Variants in ATP5F1B observed in about 807,000 individuals in gnomAD.
The protein encoded by ATP5F1B is ATP synthase F(1) complex subunit beta, mitochondrial.
ATP5F1B carries 17 observed loss-of-function variants against 45.9 expected under a neutral mutation model. The ratio of observed to expected loss-of-function variants is 0.37; its 90% CI spans 0.25 to 0.56. ATP5F1B has a LOEUF of 0.56. Among genes scored for constraint, ATP5F1B ranks in the 20% least tolerant of loss-of-function variants. The pLI is 0.80. For missense variants in ATP5F1B, 387 were observed against 673.2 expected (o/e 0.57, Z 4.70); for synonymous variants, 218 against 256.5 (o/e 0.85, Z 1.43).
At position 56,638,610 on chromosome 12, in the gene ATP5F1B, C is replaced by A. The variant is rs575961170; in HGVS notation, c.1490-187G>T. Among the ~76,000 whole-genome samples, 4 of 152,304 alleles carry A rather than the reference C, an allele frequency of 2.6e-5. No homozygotes were observed. In the South Asian group the frequency reaches 8.3e-4, roughly 32 times the overall value. On this transcript the variant is annotated intron_variant, in intron 9 of 9. Coordinates refer to ENST00000262030, the MANE Select transcript of ATP5F1B (RefSeq NM_001686.4). ...TATGATACAGTATGAATTAAGAACACATGGGCCAGGCACGGTGGCTTACAC... is the reference window on the plus strand; with the variant it reads ...TATGATACAGTATGAATTAAGAACAAATGGGCCAGGCACGGTGGCTTACAC...
At chr12:56,645,122 A>C in intron 2 of ATP5F1B, 49 bp downstream of exon 2, 3 of 1,612,452 alleles carry the variant, frequency 1.9e-6, no homozygotes, top group Non-Finnish European at 2.5e-6. Context: ...GGTTTTGGGG[A>C]TATTTGGGCT....
chr12:56,639,929 G>A (rs1432466436), intron 8 of ATP5F1B, 51 bp downstream of exon 8: 2 of 1,582,518 alleles, frequency 1.3e-6, no homozygotes, highest in Middle Eastern at 1.7e-4. Context: ...AGTCCCCACA[G>A]GCCCTCTTTT....
In ATP5F1B at chr12:56,639,300, T is replaced by C. The variant is rs745377010; in HGVS notation, c.1295A>G (p.Lys432Arg). 27 of 1,613,166 alleles carry C rather than the reference T, an allele frequency of 1.7e-5. No individual in the cohort carries two copies. The highest frequency in any genetic ancestry group is 2.2e-5 in the East Asian group (1 of 44,882). ...RGVQKILQDY[K>R]SLQDIIAILG... ...GATGGCAATGATATCCTGGAGGGAT[T>C]TGTAGTCCTATGAGAAAAAAGAAGA... is the stretch of plus-strand genomic sequence containing the variant. The change falls in exon 9 of 10, where the codon AAA (lysine) becomes AGA (arginine). Residue 432 changes from lysine to arginine, a missense_variant. Coordinates refer to ENST00000262030, the MANE Select transcript of ATP5F1B (RefSeq NM_001686.4).
chr12:56,639,332 T>G, intron 8 of ATP5F1B, 25 bp from the exon 9 acceptor site: 2 of 1,599,916 alleles, frequency 1.3e-6, no homozygotes, highest in Non-Finnish European at 1.7e-6. Context: ...AAGACTGAGT[T>G]AAGTATTCTC....
intron 9 of ATP5F1B, 151 bp from the exon 10 acceptor site, chr12:56,638,574 A>G (rs1294298178): frequency 3.0e-6 from 2 of 676,926 alleles, no homozygotes; most frequent in African/African-American, 1.8e-5. Flanking sequence ...TCACAAATCA[A>G]ATTTACAAGA....
At chr12:56,645,144 T>C in intron 2 of ATP5F1B, 27 bp downstream of exon 2, 1 of 1,614,028 alleles carries the variant, frequency 6.2e-7, no homozygotes, top group Non-Finnish European at 8.5e-7. Context: ...CACAAGGTCT[T>C]TACTATTCCT....
chr12:56,639,035 A>G (rs1951492749), intron 9 of ATP5F1B, 71 bp downstream of exon 9: 2 of 1,417,982 alleles, frequency 1.4e-6, no homozygotes, highest in East Asian at 2.3e-5. Flanking sequence ...TATATTACAT[A>G]TATTGCTTGA....
In ATP5F1B at chr12:56,640,873, A is replaced by T. The variant is rs551138205; in HGVS notation, c.1075-681T>A. 6.9e-4 allele frequency among the ~76,000 whole-genome samples: 103 copies of T among 148,488 alleles called. 2 individuals are homozygous for T. The highest frequency in any genetic ancestry group is 6.0e-3 in the Admixed American group (89 of 14,868). ...CAGTAGAGACGGGGGTCTCTACTAA[A>T]AAAAAAAAAAAAAACGGAAACAAAA... On this transcript the variant is annotated intron_variant, in intron 7 of 9. Coordinates refer to ENST00000262030, the MANE Select transcript of ATP5F1B (RefSeq NM_001686.4).
At chr12:56,639,407 G>T in intron 8 of ATP5F1B, 100 bp from the exon 9 acceptor site, 1 of 1,063,246 alleles carries the variant, frequency 9.4e-7, no homozygotes. Flanking sequence ...GAAGGTGGTG[G>T]TGTTATGAGG....
At chr12:56,643,364 C>A (rs766711876) in intron 5 of ATP5F1B, 39 bp downstream of exon 5, 1 of 1,544,002 alleles carries the variant, frequency 6.5e-7, no homozygotes, top group Non-Finnish European at 8.8e-7. Context: ...AGTTTCCTGG[C>A]GTAACTACCA....
In ATP5F1B at chr12:56,645,942, C is replaced by A. The variant is rs778926995; in HGVS notation, c.22G>T (p.Val8Leu). 44 of 1,605,268 alleles carry A rather than the reference C, an allele frequency of 2.7e-5. No individual in the cohort carries two copies. The highest frequency in any genetic ancestry group is 3.3e-4 in the Middle Eastern group (2 of 6,040). The change falls in exon 1 of 10, where the codon GTG becomes TTG. Residue 8 changes from valine (V) to leucine (L), a missense_variant. Physicochemically the swap from Val to Leu is conservative, Grantham distance 32. Coordinates refer to ENST00000262030, the MANE Select transcript of ATP5F1B (RefSeq NM_001686.4). ...GCCCCGGAGGCCGGAGCAGCGGCCA[C>A]CCGACCCACAAACCCCAACATGGCG... MLGFVGR[V>L]AAAPASGALR...
Position 56,642,742 on chromosome 12 carries a change from T to C in ATP5F1B, c.882A>G (p.Arg294=), listed in dbSNP as rs201322205. 1 of 1,614,188 alleles carries C rather than the reference T, an allele frequency of 6.2e-7. No individual in the cohort carries two copies. The highest frequency in any genetic ancestry group is 8.5e-7 in the Non-Finnish European group (1 of 1,180,038). ...LTGLTVAEYF[R]DQEGQDVLLF... ...GCAGTACATCTTGACCTTCTTGGTC[T>C]CTGAAGTATTCAGCCACAGTCAGCC... is the stretch of plus-strand genomic sequence containing the variant. The change falls in exon 6 of 10, where the codon AGA becomes AGG. Residue 294 remains arginine, a synonymous_variant. Coordinates refer to ENST00000262030, the MANE Select transcript of ATP5F1B (RefSeq NM_001686.4).
At position 56,639,210 on chromosome 12, in the gene ATP5F1B, C is replaced by T. The variant is rs766490903; in HGVS notation, c.1385G>A (p.Arg462His). Residue 462 changes from arginine (R) to histidine (H), a missense_variant, in exon 9 of 10, where the codon CGT becomes CAT. Arg to His is a conservative substitution (Grantham distance 29, BLOSUM62 0). Around this residue, in one of 6 missense-constraint regions of ATP5F1B, gnomAD observed 154 missense variants for 361.4 expected, o/e 0.43. Transcript: ENST00000262030. Reference protein sequence around the residue: ...LTVSRARKIQRFLSQPFQVAE... With the variant: ...LTVSRARKIQHFLSQPFQVAE... ...AACCTGGAATGGCTGAGACAAGAAA[C>T]GCTGTATTTTCCGTGCACGGGACAC... 3.1e-6 allele frequency: 5 copies of T among 1,613,972 alleles called. No homozygotes were observed. The highest frequency in any genetic ancestry group is 2.2e-5 in the East Asian group (1 of 44,870).
intron 1 of ATP5F1B, 26 bp from the exon 2 acceptor site, chr12:56,645,379 A>G (rs774370839): frequency 6.2e-7 from 1 of 1,603,144 alleles, no homozygotes; most frequent in Non-Finnish European, 8.5e-7. Flanking sequence ...TATTGGAAGG[A>G]GCTGGGGTCA....
chr12:56,645,773 G>A (rs559141208), intron 1 of ATP5F1B, 64 bp downstream of exon 1: 7 of 1,579,132 alleles, frequency 4.4e-6, no homozygotes, highest in African/African-American at 1.3e-5. Context: ...AGCTACCATC[G>A]TTCCCCGGCT....
rs866546709 is a variant in ATP5F1B, at chr12:56,643,453, G to A, written c.742C>T (p.His248Tyr). The change falls in exon 5 of 10, where the codon CAT (histidine) becomes TAT (tyrosine). Residue 248 changes from histidine (H) to tyrosine (Y), a missense_variant. His to Tyr is a moderately conservative substitution (Grantham distance 83). Transcript: ENST00000262030. ...ATAACACCAGATTCAATCATTTCAT[G>A]GTATAAATCATTGCCTTCACGGGTC... ...ERTREGNDLY[H>Y]EMIESGVINL... is the part of the protein sequence containing the mutation. 2 of 1,613,948 alleles carry A rather than the reference G, an allele frequency of 1.2e-6. No individual in the cohort carries two copies. The highest frequency in any genetic ancestry group is 2.7e-5 in the African/African-American group (2 of 74,878).
Position 56,639,325 on chromosome 12 carries a change from A to G in ATP5F1B, c.1288-18T>C. On this transcript the variant is annotated intron_variant, in intron 8 of 9. Coordinates refer to ENST00000262030, the MANE Select transcript of ATP5F1B (RefSeq NM_001686.4). The stretch of plus-strand genomic sequence containing the variant: ...TTGTAGTCCTATGAGAAAAAAGAAG[A>G]CTGAGTTAAGTATTCTCATTCCTTT... The G allele has an allele frequency of 1.9e-6, 3 of 1,606,454 alleles. No individual in the cohort carries two copies. The highest frequency in any genetic ancestry group is 2.6e-6 in the Non-Finnish European group (3 of 1,174,414).
In ATP5F1B at chr12:56,639,047, G is replaced by A. The variant is rs138345771; in HGVS notation, c.1489+59C>T. ...TAGTATATTACATATATTGCTTGACGGTTGTTGGAATGGGACCACAGCACA... is the reference window on the plus strand; with the variant it reads ...TAGTATATTACATATATTGCTTGACAGTTGTTGGAATGGGACCACAGCACA... On this transcript the variant is annotated intron_variant, in intron 9 of 9. Coordinates refer to ENST00000262030, the MANE Select transcript of ATP5F1B (RefSeq NM_001686.4). 2.2e-4 allele frequency: 333 copies of A among 1,507,234 alleles called. 2 individuals are homozygous for A. In the African/African-American group the frequency reaches 3.9e-3, roughly 18 times the overall value. The allele number at this position is 1,507,234 out of a possible 1,614,324, so 93.4% of individuals were successfully genotyped here. A position where few individuals can be genotyped will look rare whatever the true frequency, so the allele number is the denominator to read the frequency against.
chr12:56,644,599 G>T (rs1461875513), intron 3 of ATP5F1B, among the ~76,000 whole-genome samples, 182 bp downstream of exon 3: 2 of 152,054 alleles, frequency 1.3e-5, no homozygotes, highest in Non-Finnish European at 2.9e-5. Flanking sequence ...ACCTCAAGTA[G>T]TAGGCTTTTG....
Sources: allele counts gnomAD v4.1 joint callset (sites outside exome capture counted in the v4.1 genomes callset), GRCh38; gene constraint gnomAD v4.1.1; regional missense constraint gnomAD v4.1.1; transcripts MANE v1.5; gene names NCBI Gene and HGNC (gene_info 2026-07-23, HGNC 2026-07-21).